SYNJ1: variants seen among roughly 807,000 people sequenced by gnomAD.
SYNJ1 encodes synaptojanin 1.
Under a neutral mutation model 168.2 loss-of-function variants are expected in SYNJ1, and 78 were observed. The ratio of observed to expected loss-of-function variants is 0.46; its 90% CI spans 0.39 to 0.56. The LOEUF (loss-of-function observed/expected upper bound fraction) is 0.56, where lower values mean the gene tolerates loss of function less well. SYNJ1 is among the 20% of genes least tolerant of loss of function. SYNJ1 has a pLI of 0.00. For missense variants in SYNJ1, 1,303 were observed against 1,597.6 expected, an observed-to-expected ratio of 0.82 and a Z score of 3.14; for synonymous variants, 539 against 548.6, an observed-to-expected ratio of 0.98 and a Z score of 0.24.
At chr21:32,653,466 G>A (rs1301261676) in intron 21 of SYNJ1, 100 bp from the exon 22 acceptor site, 7 of 949,146 alleles carry the variant, frequency 7.4e-6, no homozygotes, top group Non-Finnish European at 1.1e-5. Context: ...GCCACAAGAG[G>A]CCAGGAAGTA....
chr21:32,631,896 A>AGCC lies in SYNJ1; in HGVS notation c.*4-96_*4-95insGGC, dbSNP rs1169138247. On this transcript the variant is annotated intron_variant, in intron 32 of 32. Transcript: ENST00000674351. ...CAATTATTCTTCCCTTTTAGGGGCAAGCATGTAAATTTAGAAACTAAAAAG... is the reference window on the plus strand; with the variant it reads ...CAATTATTCTTCCCTTTTAGGGGCAAGCCGCATGTAAATTTAGAAACTAAAAAG... 3.4e-6 allele frequency: 4 copies of AGCC among 1,174,314 alleles called. No individual in the cohort carries two copies. The African/African-American group carries it at 6.2e-5, about 18-fold the overall frequency. 72.7% of individuals were successfully genotyped at this position (1,174,314 alleles called of 1,614,324 possible).
At chr21:32,677,946 T>C (rs1318140970) in intron 12 of SYNJ1, among the ~76,000 whole-genome samples, 2 of 152,192 alleles carry the variant, frequency 1.3e-5, no homozygotes, top group Non-Finnish European at 2.9e-5. Flanking sequence ...TTGTCAATTA[T>C]ACCTCAATAC....
intron 32 of SYNJ1, 144 bp downstream of exon 32, chr21:32,634,717 G>C: frequency 1.3e-6 from 1 of 755,264 alleles, no homozygotes; most frequent in Non-Finnish European, 2.0e-6. Context: ...AGAAAAAGCA[G>C]GTTTTATGGT....
chr21:32,630,531 A>G lies in SYNJ1; in HGVS notation c.*1274T>C, dbSNP rs919031030. 1.2e-5 allele frequency: 2 copies of G among 163,434 alleles called. No individual in the cohort carries two copies. The highest frequency in any genetic ancestry group is 4.8e-5 in the African/African-American group (2 of 41,556). The allele number at this position is 163,434 out of a possible 1,614,324, so 10.1% of individuals were successfully genotyped here. A position where few individuals can be genotyped will look rare whatever the true frequency, so the allele number is the denominator to read the frequency against. On this transcript the variant is annotated 3_prime_UTR_variant, in exon 33 of 33. Coordinates refer to ENST00000674351, the MANE Select transcript of SYNJ1 (RefSeq NM_203446.3). ...GTTTGTATGTATTATATATGTACAC[A>G]TACCTATACTTTTTTCCTTTAAAGC...
At chr21:32,702,972 C>G (rs1443867831) in intron 2 of SYNJ1, among the ~76,000 whole-genome samples, 1 of 152,232 alleles carries the variant, frequency 6.6e-6, no homozygotes, top group East Asian at 1.9e-4. Context: ...CTCTTCTCAG[C>G]CTACTGCTTT....
chr21:32,727,930 C>T lies in SYNJ1; in HGVS notation c.-23+16G>A, dbSNP rs905741954. 1.0e-5 allele frequency: 16 copies of T among 1,532,212 alleles called. No individual in the cohort carries two copies. The highest frequency in any genetic ancestry group is 3.9e-5 in the Admixed American group (2 of 50,910). The allele number at this position is 1,532,212 out of a possible 1,614,324, so 94.9% of individuals were successfully genotyped here. A position where few individuals can be genotyped will look rare whatever the true frequency, so the allele number is the denominator to read the frequency against. On this transcript the variant is annotated intron_variant, in intron 1 of 32. Coordinates refer to ENST00000674351, the MANE Select transcript of SYNJ1 (RefSeq NM_203446.3). ...TCTGGCCGCAGCAGCTCCCCGCCCC[C>T]CGCCGGCTTGCTCACCTCTTCCTCC...
At chr21:32,717,211 G>A (rs149386328) in intron 2 of SYNJ1, among the ~76,000 whole-genome samples, 13,239 of 152,082 alleles carry the variant, frequency 0.087, 640 homozygotes, top group Non-Finnish European at 0.1. Flanking sequence ...CGCCCACCTC[G>A]GCCTCCCAAA....
rs1273326165 is a variant in SYNJ1, at chr21:32,685,933, C to T, written c.949-16G>A. On this transcript the variant is annotated splice_polypyrimidine_tract_variant and intron_variant, in intron 8 of 32. Transcript: ENST00000674351. ...TCAAATGACTCTGAAAGTAAAAAGG[C>T]AAATATTCATCTAAATGAAAGTAAA... 6 of 1,598,886 alleles carry T rather than the reference C, an allele frequency of 3.8e-6. No homozygotes were observed. The highest frequency in any genetic ancestry group is 5.1e-6 in the Non-Finnish European group (6 of 1,175,394).
chr21:32,637,826 G>A (rs1469565298), intron 31 of SYNJ1, among the ~76,000 whole-genome samples: 2 of 152,112 alleles, frequency 1.3e-5, no homozygotes, highest in Non-Finnish European at 2.9e-5. Context: ...TTACAAATGT[G>A]ACTTAATAAA....
intron 2 of SYNJ1, among the ~76,000 whole-genome samples, chr21:32,723,317 G>C (rs1220499309): frequency 6.6e-6 from 1 of 152,220 alleles, no homozygotes; most frequent in Admixed American, 6.5e-5. Flanking sequence ...AGAAAATTAA[G>C]TGATTGCTAA....
chr21:32,727,223 G>T (rs1957260787), intron 1 of SYNJ1, among the ~76,000 whole-genome samples: 1 of 152,216 alleles, frequency 6.6e-6, no homozygotes, highest in Non-Finnish European at 1.5e-5. Flanking sequence ...AAAATTTTGA[G>T]CGTATTTCGT....
chr21:32,670,202 A>G, intron 15 of SYNJ1, 86 bp downstream of exon 15: 1 of 1,098,524 alleles, frequency 9.1e-7, no homozygotes, highest in Non-Finnish European at 1.3e-6. Flanking sequence ...ATTTCAAACT[A>G]TCCTTGTAAC....
At chr21:32,674,738 C>T (rs750458619) in intron 13 of SYNJ1, among the ~76,000 whole-genome samples, 4 of 151,816 alleles carry the variant, frequency 2.6e-5, no homozygotes, top group Non-Finnish European at 4.4e-5. Context: ...ATCTGTACTT[C>T]ATTGGTAGCT....
chr21:32,631,393 G>C lies in SYNJ1; in HGVS notation c.*412C>G, dbSNP rs1012542243. On this transcript the variant is annotated 3_prime_UTR_variant, in exon 33 of 33. Coordinates refer to ENST00000674351, the MANE Select transcript of SYNJ1 (RefSeq NM_203446.3). ...TTATGACCAAGAGGCTGCAGAGAAGGGAAAGGACTGATAGTAACGGGCTCT... is the reference window on the plus strand; with the variant it reads ...TTATGACCAAGAGGCTGCAGAGAAGCGAAAGGACTGATAGTAACGGGCTCT... 1 of 1,614,194 alleles carries C rather than the reference G, an allele frequency of 6.2e-7. No homozygotes were observed. The highest frequency in any genetic ancestry group is 1.7e-5 in the Admixed American group (1 of 60,018).
rs1030795077 is a variant in SYNJ1 at position 32,646,405 on chromosome 21, G to T, written c.3235C>A (p.Pro1079Thr). ...ATAAAATGCATACTCTGTGCACTGG[G>T]AGGCCCAGGAGTTCTTGACGGTGCT... ...SRAPSRTPGP[P>T]SAQSSPIDAQ... Residue 1079 changes from proline to threonine, a missense_variant, in exon 24 of 33, where the codon CCC becomes ACC. Coordinates refer to ENST00000674351, the MANE Select transcript of SYNJ1 (RefSeq NM_203446.3). 1.9e-6 allele frequency: 3 copies of T among 1,614,112 alleles called. No homozygotes were observed. Among genetic ancestry groups the T allele is most frequent in the Non-Finnish European group, 2.5e-6 (3 of 1,179,982 alleles).
At chr21:32,722,377 C>G (rs2043278508) in intron 2 of SYNJ1, among the ~76,000 whole-genome samples, 1 of 151,754 alleles carries the variant, frequency 6.6e-6, no homozygotes, top group South Asian at 2.1e-4. Flanking sequence ...TGGTGAAGCC[C>G]CATCTCTACT....
rs755907539 is a variant in SYNJ1, at chr21:32,726,737, G to A, written c.124+35C>T. 1.9e-6 allele frequency: 3 copies of A among 1,610,962 alleles called. No individual in the cohort carries two copies. The African/African-American group carries it at 4.0e-5, about 22-fold the overall frequency. ...CTGAATTGTTTCAAATCAAAACAGA[G>A]ACCATGACAAATTGGGCTCTAACAG... On this transcript the variant is annotated intron_variant, in intron 2 of 32. Coordinates refer to ENST00000674351, the MANE Select transcript of SYNJ1 (RefSeq NM_203446.3).
intron 26 of SYNJ1, among the ~76,000 whole-genome samples, chr21:32,644,172 AG>A (rs2039966219): frequency 6.6e-6 from 1 of 152,270 alleles, no homozygotes; most frequent in African/African-American, 2.4e-5. Flanking sequence ...CTATAAAAGC[AG>A]GAGCTTGAAA....
At chr21:32,682,689 T>C (rs988527858) in intron 10 of SYNJ1, among the ~76,000 whole-genome samples, 4 of 152,134 alleles carry the variant, frequency 2.6e-5, no homozygotes, top group Non-Finnish European at 4.4e-5. Context: ...TGTCAACCAA[T>C]TGCTATCCTA....
Sources: gnomAD v4.1 joint callset for allele counts (sites outside exome capture counted in the v4.1 genomes callset) on GRCh38, gnomAD v4.1.1 for gene constraint, MANE v1.5 for transcripts, NCBI Gene and HGNC (gene_info 2026-07-23, HGNC 2026-07-21) for gene names.